The following ZNF423 variants were observed in gnomAD, a reference collection of about 807,000 sequenced individuals.
The protein encoded by ZNF423 is Ebf-associated zinc finger protein.
ZNF423 carries 12 observed loss-of-function variants against 95.8 expected under a neutral mutation model. That is an observed-to-expected ratio of 0.13 (90% CI 0.08 to 0.20). The LOEUF is 0.20. Among genes scored for constraint, ZNF423 ranks in the 10% least tolerant of loss-of-function variants. The pLI is 1.00. For missense variants in ZNF423, 1,316 were observed against 1,737.1 expected, an observed-to-expected ratio of 0.76 and a Z score of 4.31; for synonymous variants, 749 against 711.9, an observed-to-expected ratio of 1.05 and a Z score of -0.83.
At chr16:49,833,667 T>A (rs898129849) in intron 1 of ZNF423, among the ~76,000 whole-genome samples, 2 of 151,698 alleles carry the variant, frequency 1.3e-5, no homozygotes, top group African/African-American at 4.9e-5. Flanking sequence ...CGGACAGATG[T>A]CAAGGCTTAA....
In ZNF423 at chr16:49,730,835, G is replaced by A. The variant is rs2143389347; in HGVS notation, c.237C>T (p.His79=). 1 of 1,614,228 alleles carries A rather than the reference G, an allele frequency of 6.2e-7. No homozygotes were observed. The highest frequency in any genetic ancestry group is 1.7e-5 in the Admixed American group (1 of 60,030). ...CCAGAGACTCGAAGTCCTGCTGACA[G>A]TGATCGCAGGTGTAAATTGATTCAT... The part of the protein sequence containing the change: ...MEDESIYTCD[H]CQQDFESLAD... Residue 79 remains histidine, a synonymous_variant, in exon 3 of 8, where the codon CAC becomes CAT. Transcript: ENST00000563137.
At chr16:49,585,337 C>A (rs1256189268) in intron 5 of ZNF423, among the ~76,000 whole-genome samples, 1 of 152,138 alleles carries the variant, frequency 6.6e-6, no homozygotes, top group Non-Finnish European at 1.5e-5. Flanking sequence ...GAGGAGCAGC[C>A]CACACCTTCC....
chr16:49,598,791 C>G (rs1327929378), intron 5 of ZNF423, among the ~76,000 whole-genome samples: 2 of 152,186 alleles, frequency 1.3e-5, no homozygotes, highest in African/African-American at 4.8e-5. Context: ...CTGAAGTGGT[C>G]GGGGGTGATG....
chr16:49,794,279 G>A (rs1597015443), intron 1 of ZNF423, among the ~76,000 whole-genome samples: 1 of 150,340 alleles, frequency 6.7e-6, no homozygotes, highest in East Asian at 2.0e-4. Context: ...ATGTTGCCCA[G>A]GCTGGTCTTG....
At chr16:49,755,783 C>T (rs186560606) in intron 2 of ZNF423, among the ~76,000 whole-genome samples, 3 of 152,292 alleles carry the variant, frequency 2.0e-5, no homozygotes, top group East Asian at 1.9e-4. Context: ...TGTTAATCCT[C>T]GAGTTACACT....
intron 3 of ZNF423, among the ~76,000 whole-genome samples, chr16:49,694,873 T>C (rs2031909889): frequency 6.6e-6 from 1 of 152,232 alleles, no homozygotes; most frequent in Non-Finnish European, 1.5e-5. Flanking sequence ...TCTGGTTTCA[T>C]GTGAAGAAAT....
At chr16:49,621,550 G>A (rs972783953) in intron 5 of ZNF423, among the ~76,000 whole-genome samples, 3 of 152,150 alleles carry the variant, frequency 2.0e-5, no homozygotes, top group African/African-American at 7.2e-5. Context: ...CGGGTCCCAG[G>A]GGAGGCCTGC....
At chr16:49,605,563 C>A (rs911560254) in intron 5 of ZNF423, among the ~76,000 whole-genome samples, 1 of 152,170 alleles carries the variant, frequency 6.6e-6, no homozygotes, top group African/African-American at 2.4e-5. Context: ...TCCTTCCATT[C>A]CCCAGAACAG....
chr16:49,797,462 C>A (rs929235907), intron 1 of ZNF423, among the ~76,000 whole-genome samples: 1 of 152,216 alleles, frequency 6.6e-6, no homozygotes, highest in African/African-American at 2.4e-5. Flanking sequence ...TGGCATCACG[C>A]TCCTAGGTCA....
intron 3 of ZNF423, among the ~76,000 whole-genome samples, chr16:49,661,284 G>C (rs1029530457): frequency 3.3e-5 from 5 of 150,864 alleles, no homozygotes; most frequent in African/African-American, 1.2e-4. Flanking sequence ...ATATTTTTCC[G>C]GGAAAACACC....
rs1287238838 is a variant in ZNF423 at position 49,815,879 on chromosome 16, AAAATATATATATAT to A, written c.41-26347_41-26334del. On this transcript the variant is annotated intron_variant, in intron 1 of 7. Transcript: ENST00000563137. ...TCTAATTCCAAACAAACAAAAAAAA[AAAATATATATATAT>A]ATATATATATATATATATATATTTT... Among the ~76,000 whole-genome samples the A allele has an allele frequency of 4.4e-4, 26 of 59,614 alleles. 2 individuals are homozygous for A. Among genetic ancestry groups the A allele is most frequent in the Non-Finnish European group, 3.2e-4 (11 of 34,182 alleles). The allele number at this position is 59,614 out of a possible 152,430, so 39.1% of individuals were successfully genotyped here.
intron 1 of ZNF423, among the ~76,000 whole-genome samples, chr16:49,842,008 G>C (rs1287327407): frequency 1.3e-5 from 2 of 151,860 alleles, no homozygotes; most frequent in African/African-American, 4.8e-5. Flanking sequence ...AGGCCCATGC[G>C]GGCGGATCAC....
intron 5 of ZNF423, among the ~76,000 whole-genome samples, chr16:49,578,572 C>G (rs1455567204): frequency 5.9e-5 from 9 of 152,308 alleles, no homozygotes; most frequent in Admixed American, 6.5e-5. Flanking sequence ...CCCCTCGCCT[C>G]TCGCCCTCTC....
intron 1 of ZNF423, among the ~76,000 whole-genome samples, chr16:49,792,812 T>G (rs1445662700): frequency 1.3e-5 from 2 of 152,168 alleles, no homozygotes; most frequent in African/African-American, 4.8e-5. Context: ...CAGGCTGGAG[T>G]GCAGTGGTGC....
rs1366650400 is a variant in ZNF423 at position 49,489,967 on chromosome 16, C to T, written c.*1308G>A. On this transcript the variant is annotated 3_prime_UTR_variant, in exon 8 of 8. Coordinates refer to ENST00000563137, the MANE Select transcript of ZNF423 (RefSeq NM_001379286.1). ...GTAAAATGCAAGAGGACACCCATTC[C>T]CAGCACTTGCAGGTGTAGGGGGGCC... The T allele has an allele frequency of 6.6e-6, 1 of 152,198 alleles. No homozygotes were observed. The highest frequency in any genetic ancestry group is 1.5e-5 in the Non-Finnish European group (1 of 68,060). 9.4% of individuals were successfully genotyped at this position (152,198 alleles called of 1,614,324 possible).
At chr16:49,811,206 C>G (rs567726169) in intron 1 of ZNF423, among the ~76,000 whole-genome samples, 1 of 152,056 alleles carries the variant, frequency 6.6e-6, no homozygotes, top group Non-Finnish European at 1.5e-5. Context: ...ACAGATGGGA[C>G]GCTATCAGCA....
chr16:49,521,003 C>A (rs567475279), intron 7 of ZNF423, among the ~76,000 whole-genome samples: 1 of 152,134 alleles, frequency 6.6e-6, no homozygotes, highest in South Asian at 2.1e-4. Context: ...TAAAGCTTAA[C>A]GGGATGACCC....
intron 3 of ZNF423, chr16:49,664,271 G>A (rs113682712): frequency 0.015 from 14,547 of 985,604 alleles, 130 homozygotes; most frequent in Middle Eastern, 0.031. Context: ...CTGGGCCGGC[G>A]GAGAAGGATG....
chr16:49,680,224 T>A (rs1221511273), intron 3 of ZNF423, among the ~76,000 whole-genome samples: 1 of 152,226 alleles, frequency 6.6e-6, no homozygotes, highest in Non-Finnish European at 1.5e-5. Flanking sequence ...ACTGCAGGTG[T>A]CCTCTCAGCT....
Sources: gnomAD v4.1 joint callset for allele counts (sites outside exome capture counted in the v4.1 genomes callset) on GRCh38, gnomAD v4.1.1 for gene constraint, MANE v1.5 for transcripts, NCBI Gene and HGNC (gene_info 2026-07-23, HGNC 2026-07-21) for gene names.